Variants in TCF7L2 observed in about 807,000 individuals in gnomAD.
The protein encoded by TCF7L2 is transcription factor 7 like 2, also known as transcription factor 7-like 2.
Under a neutral mutation model 77.9 loss-of-function variants are expected in TCF7L2, and 23 were observed. That is an observed-to-expected ratio of 0.30 (90% CI 0.21 to 0.42). The LOEUF (loss-of-function observed/expected upper bound fraction) is 0.42. Among genes scored for constraint, TCF7L2 ranks in the 10% least tolerant of loss-of-function variants. The probability of loss-of-function intolerance (pLI) is 1.00; values close to 1 mark genes in which losing one functional copy is unlikely to be tolerated. For missense variants in TCF7L2, 654 were observed against 793.1 expected (o/e 0.82, Z 2.11); for synonymous variants, 413 against 340.2 (o/e 1.21, Z -2.36).
intron 5 of TCF7L2, among the ~76,000 whole-genome samples, chr10:113,063,354 C>T (rs2056780494): frequency 6.6e-6 from 1 of 152,316 alleles, no homozygotes; most frequent in South Asian, 2.1e-4. Context: ...CCCAACCAAA[C>T]TGTGTGGCTG....
At chr10:112,951,374 C>A (rs1411956892) in intron 2 of TCF7L2, 101 bp downstream of exon 2, 4 of 1,111,200 alleles carry the variant, frequency 3.6e-6, no homozygotes, top group Non-Finnish European at 4.5e-6. Context: ...GGCCCTGCGC[C>A]GGCCCGGTCG....
intron 5 of TCF7L2, among the ~76,000 whole-genome samples, chr10:113,116,467 C>G (rs1330433472): frequency 6.6e-6 from 1 of 152,072 alleles, no homozygotes; most frequent in Non-Finnish European, 1.5e-5. Flanking sequence ...CTGTTAAAAG[C>G]ATATTTGAAA....
At chr10:113,076,077 A>G (rs2058660443) in intron 5 of TCF7L2, among the ~76,000 whole-genome samples, 1 of 143,714 alleles carries the variant, frequency 7.0e-6, no homozygotes, top group Non-Finnish European at 1.5e-5. Flanking sequence ...CGAAGGTTGT[A>G]GTGAGCCGAA....
chr10:112,982,603 T>G (rs559928895), intron 4 of TCF7L2, among the ~76,000 whole-genome samples: 5 of 152,198 alleles, frequency 3.3e-5, no homozygotes, highest in East Asian at 3.9e-4. Context: ...TGAATAAGAG[T>G]AGTCCAGAAT....
At chr10:113,154,204 G>C (rs2071367452) in intron 11 of TCF7L2, among the ~76,000 whole-genome samples, 1 of 152,176 alleles carries the variant, frequency 6.6e-6, no homozygotes, top group Non-Finnish European at 1.5e-5. Context: ...CTCTCCCACA[G>C]GCTTGCTGTT....
At chr10:113,067,425 T>A (rs112611672) in intron 5 of TCF7L2, among the ~76,000 whole-genome samples, 5,507 of 152,230 alleles carry the variant, frequency 0.036, 325 homozygotes, top group African/African-American at 0.13. Flanking sequence ...TGTGGGTCAG[T>A]TTGGGTTGGA....
chr10:113,047,742 G>A (rs1012045976), intron 5 of TCF7L2, among the ~76,000 whole-genome samples: 2 of 151,970 alleles, frequency 1.3e-5, no homozygotes, highest in East Asian at 3.9e-4. Context: ...CCTGAGTTAT[G>A]TTTCTGGGAA....
At chr10:113,127,836 C>G (rs1016177645) in intron 5 of TCF7L2, among the ~76,000 whole-genome samples, 23 of 131,604 alleles carry the variant, frequency 1.7e-4, no homozygotes, top group Admixed American at 1.5e-3. Context: ...GGGGGTCTGT[C>G]TAGCATGAGT....
At chr10:112,966,966 C>A (rs932019505) in intron 4 of TCF7L2, among the ~76,000 whole-genome samples, 14 of 152,222 alleles carry the variant, frequency 9.2e-5, no homozygotes, top group African/African-American at 3.4e-4. Flanking sequence ...TGTTCATTCT[C>A]CCTCAGTCTC....
At chr10:113,004,521 A>G (rs2045142941) in intron 4 of TCF7L2, among the ~76,000 whole-genome samples, 1 of 152,168 alleles carries the variant, frequency 6.6e-6, no homozygotes, top group Non-Finnish European at 1.5e-5. Context: ...TGAAATAACA[A>G]ATTTCTTTTC....
At position 113,166,745 on chromosome 10, in the gene TCF7L2, A is replaced by G. The variant is rs954789361; in HGVS notation, c.*773A>G. On this transcript the variant is annotated 3_prime_UTR_variant, in exon 14 of 14. Transcript: ENST00000627217. ...TTCCCCCTTAGCATAAGCATCTTAT[A>G]TATAACAACTCATTTGTACAAGGTT... 3 of 229,250 alleles carry G rather than the reference A, an allele frequency of 1.3e-5. No homozygotes were observed. The highest frequency in any genetic ancestry group is 1.1e-4 in the Admixed American group (2 of 17,684). The allele number at this position is 229,250 out of a possible 1,614,324, so 14.2% of individuals were successfully genotyped here.
At chr10:112,995,471 G>A (rs2043299272) in intron 4 of TCF7L2, among the ~76,000 whole-genome samples, 1 of 152,106 alleles carries the variant, frequency 6.6e-6, no homozygotes, top group African/African-American at 2.4e-5. Context: ...GCAATTCCTT[G>A]GACACCGGTG....
At chr10:113,160,066 T>G (rs2072881479) in intron 12 of TCF7L2, 74 bp downstream of exon 14, 6 of 1,355,492 alleles carry the variant, frequency 4.4e-6, no homozygotes, top group Non-Finnish European at 6.3e-6. Context: ...TTCTCTGGCC[T>G]GTTGCTTTGT....
At chr10:113,112,159 G>T (rs2063214980) in intron 5 of TCF7L2, among the ~76,000 whole-genome samples, 1 of 152,240 alleles carries the variant, frequency 6.6e-6, no homozygotes. Context: ...GGAGAGAGGA[G>T]AGAGCCAATA....
chr10:113,069,509 C>T (rs1186892376), intron 5 of TCF7L2, among the ~76,000 whole-genome samples: 2 of 152,096 alleles, frequency 1.3e-5, no homozygotes, highest in African/African-American at 4.8e-5. Context: ...GGATTACAGG[C>T]GTGAGCTGCC....
At chr10:113,070,145 A>G (rs534944571) in intron 5 of TCF7L2, among the ~76,000 whole-genome samples, 4 of 151,898 alleles carry the variant, frequency 2.6e-5, no homozygotes, top group South Asian at 2.1e-4. Context: ...AATCCCAGCT[A>G]CTCGGGAGGC....
chr10:113,129,423 A>C, intron 5 of TCF7L2: 2 of 1,005,800 alleles, frequency 2.0e-6, no homozygotes, highest in Non-Finnish European at 2.4e-6. Flanking sequence ...CTGGCTGGGG[A>C]ACATGGACCT....
At chr10:113,134,495 G>T (rs1390236732) in intron 5 of TCF7L2, among the ~76,000 whole-genome samples, 1 of 152,144 alleles carries the variant, frequency 6.6e-6, no homozygotes, top group Admixed American at 6.5e-5. Flanking sequence ...TACCTTAACT[G>T]ACTGTTCACC....
chr10:113,073,503 C>CAA lies in TCF7L2; in HGVS notation c.552+33406_552+33407dup, dbSNP rs35730806. Reference sequence around the variant, plus strand: ...CAACAAAGCAAGACCCGGTCTCTACCAAAAAAAAAAAAAAAAAAAAAAAAA... The same window carrying CAA: ...CAACAAAGCAAGACCCGGTCTCTACCAAAAAAAAAAAAAAAAAAAAAAAAAAA... On this transcript the variant is annotated intron_variant, in intron 5 of 13. Transcript: ENST00000627217. Among the ~76,000 whole-genome samples the CAA allele has an allele frequency of 4.4e-3, 192 of 43,964 alleles. 1 individual carries two copies. Among genetic ancestry groups the CAA allele is most frequent in the African/African-American group, 0.015 (161 of 10,618 alleles). 28.8% of individuals were successfully genotyped at this position (43,964 alleles called of 152,430 possible).
Sources: allele counts gnomAD v4.1 joint callset (sites outside exome capture counted in the v4.1 genomes callset), GRCh38; gene constraint gnomAD v4.1.1; transcripts MANE v1.5; gene names NCBI Gene and HGNC (gene_info 2026-07-23, HGNC 2026-07-21).